Variants in APLNR observed in about 807,000 individuals in gnomAD.
APLNR encodes the protein apelin receptor.
In APLNR, 13 loss-of-function variants were observed where a neutral mutation model predicts 23.4. The observed-to-expected ratio is 0.56, with a 90% CI of 0.36 to 0.88. The LOEUF is 0.88. Ranked by LOEUF, APLNR falls within the 40% of genes least tolerant of loss-of-function variation. The probability of loss-of-function intolerance (pLI) is 0.01; values close to 1 mark genes in which losing one functional copy is unlikely to be tolerated. For missense variants in APLNR, 480 were observed against 517.1 expected, an observed-to-expected ratio of 0.93 and a Z score of 0.70; for synonymous variants, 234 against 211.9, an observed-to-expected ratio of 1.10 and a Z score of -0.91.
chr11:57,236,790 G>A lies in APLNR; in HGVS notation c.215C>T (p.Ala72Val), dbSNP rs376527330. The A allele has an allele frequency of 8.1e-6, 13 of 1,614,202 alleles. No individual in the cohort carries two copies. Among genetic ancestry groups the A allele is most frequent in the South Asian group, 2.2e-5 (2 of 91,082 alleles). ...CACCACGAAGGTCAGGTCAGCCACC[G>A]CCAGGCTAGCAATGAAGATATCAGC... ...RSADIFIASL[A>V]VADLTFVVTL... Residue 72 changes from alanine (A) to valine (V), a missense_variant, in exon 1 of 1, where the codon GCG (alanine) becomes GTG (valine). Transcript: ENST00000606794.
In APLNR at chr11:57,235,967, G is replaced by GTA; in HGVS notation, c.1036_1037dup (p.Ser347ThrfsTer95). 1.2e-6 allele frequency: 2 copies of GTA among 1,614,290 alleles called. No individual in the cohort carries two copies. The highest frequency in any genetic ancestry group is 1.7e-6 in the Non-Finnish European group (2 of 1,180,054). On this transcript the variant is annotated frameshift_variant, in exon 1 of 1. Transcript: ENST00000606794. LOFTEE classifies it high-confidence loss of function. ...CGGGCCCCTGGCTGTGCCCCGAAGA[G>GTA]TAGCTGGCTGACTTCTCCCCACTGC...
At position 57,235,982 on chromosome 11, in the gene APLNR, CT is replaced by C; in HGVS notation, c.1022del (p.Glu341GlyfsTer100). The stretch of plus-strand genomic sequence containing the variant: ...GCCCCGAAGAGTAGCTGGCTGACTT[CT>C]CCCCACTGCTGCTGTGGGAGGTGCC... The part of the protein sequence containing the change: ...CAGTSHSSSG[E>X]KSASYSSGHS... On this transcript the variant is annotated frameshift_variant, in exon 1 of 1. Transcript: ENST00000606794. LOFTEE classifies it high-confidence loss of function. 1 of 1,614,274 alleles carries C rather than the reference CT, an allele frequency of 6.2e-7. No individual in the cohort carries two copies. Among genetic ancestry groups the C allele is most frequent in the Non-Finnish European group, 8.5e-7 (1 of 1,180,044 alleles).
At position 57,235,652 on chromosome 11, in the gene APLNR, G is replaced by A. The variant is rs1289055305; in HGVS notation, c.*210C>T. 3.6e-6 allele frequency: 2 copies of A among 556,858 alleles called. No homozygotes were observed. The highest frequency in any genetic ancestry group is 3.0e-5 in the South Asian group (1 of 33,478). 34.5% of individuals were successfully genotyped at this position (556,858 alleles called of 1,614,324 possible). A position where few individuals can be genotyped will look rare whatever the true frequency, so the allele number is the denominator to read the frequency against. On this transcript the variant is annotated 3_prime_UTR_variant, in exon 1 of 1. Coordinates refer to ENST00000606794, the MANE Select transcript of APLNR (RefSeq NM_005161.6). ...TGAGTGAGATTAAATGGCTTGTGCAGGGTCAGGTCTGTAGAGCCCAGTCTC... is the reference window on the plus strand; with the variant it reads ...TGAGTGAGATTAAATGGCTTGTGCAAGGTCAGGTCTGTAGAGCCCAGTCTC...
At position 57,236,181 on chromosome 11, in the gene APLNR, C is replaced by T. The variant is rs757679361; in HGVS notation, c.824G>A (p.Ser275Asn). ...AAAGTCACAGGGCCAGTGCAGCAGGCTGCCCAGCATGTACAGCGTCTTCAC... is the reference window on the plus strand; with the variant it reads ...AAAGTCACAGGGCCAGTGCAGCAGGTTGCCCAGCATGTACAGCGTCTTCAC... ...HLVKTLYMLGSLLHWPCDFDL... is the reference protein window; with the variant it reads ...HLVKTLYMLGNLLHWPCDFDL... The change falls in exon 1 of 1, where the codon AGC becomes AAC. Residue 275 changes from serine to asparagine, a missense_variant. Transcript: ENST00000606794. 3 of 1,614,134 alleles carry T rather than the reference C, an allele frequency of 1.9e-6. No homozygotes were observed. In the South Asian group the frequency reaches 3.3e-5, roughly 18 times the overall value.
At position 57,233,830 on chromosome 11, in the gene APLNR, G is replaced by A. The variant is rs1854968534; in HGVS notation, c.*2032C>T. 1 of 152,168 alleles carries A rather than the reference G, an allele frequency of 6.6e-6. No individual in the cohort carries two copies. 9.4% of individuals were successfully genotyped at this position (152,168 alleles called of 1,614,324 possible). A position where few individuals can be genotyped will look rare whatever the true frequency, so the allele number is the denominator to read the frequency against. On this transcript the variant is annotated 3_prime_UTR_variant, in exon 1 of 1. Transcript: ENST00000606794. ...TCTTCCAGTGTTCACTGGATGCTTT[G>A]AGGACAGCTCTGGGCAGAGGAGGTG...
rs1565194346 is a variant in APLNR, at chr11:57,236,378, G to A, written c.627C>T (p.Gly209=). The stretch of plus-strand genomic sequence containing the variant: ...GCATGATGGTGAAGGGCACCACAAA[G>A]CCCACGGTGGTGGACGAGACCCCAA... ...VGLGVSSTTV[G]FVVPFTIMLT... Residue 209 remains glycine (G), a synonymous_variant, in exon 1 of 1, where the codon GGC becomes GGT. Coordinates refer to ENST00000606794, the MANE Select transcript of APLNR (RefSeq NM_005161.6). 2 of 1,613,988 alleles carry A rather than the reference G, an allele frequency of 1.2e-6. No homozygotes were observed. The highest frequency in any genetic ancestry group is 1.7e-6 in the Non-Finnish European group (2 of 1,179,988).
At position 57,235,775 on chromosome 11, in the gene APLNR, A is replaced by T; in HGVS notation, c.*87T>A. The stretch of plus-strand genomic sequence containing the variant: ...ACAGTTAAAGGATGTGCATAGGACA[A>T]GGAGTAGCCACACTACCTGATTTTC... On this transcript the variant is annotated 3_prime_UTR_variant, in exon 1 of 1. Coordinates refer to ENST00000606794, the MANE Select transcript of APLNR (RefSeq NM_005161.6). 1.4e-6 allele frequency: 2 copies of T among 1,434,518 alleles called. No individual in the cohort carries two copies. The highest frequency in any genetic ancestry group is 1.9e-6 in the Non-Finnish European group (2 of 1,058,384). The allele number at this position is 1,434,518 out of a possible 1,614,324, so 88.9% of individuals were successfully genotyped here. A position where few individuals can be genotyped will look rare whatever the true frequency, so the allele number is the denominator to read the frequency against.
chr11:57,236,187 AG>A lies in APLNR; in HGVS notation c.817del (p.Leu273TrpfsTer16). The A allele has an allele frequency of 6.2e-7, 1 of 1,614,162 alleles. No homozygotes were observed. The highest frequency in any genetic ancestry group is 8.5e-7 in the Non-Finnish European group (1 of 1,180,040). ...PYHLVKTLYM[L>X]GSLLHWPCDF... ...ACAGGGCCAGTGCAGCAGGCTGCCC[AG>A]CATGTACAGCGTCTTCACCAGGTGG... On this transcript the variant is annotated frameshift_variant, in exon 1 of 1. Coordinates refer to ENST00000606794, the MANE Select transcript of APLNR (RefSeq NM_005161.6). LOFTEE classifies it high-confidence loss of function.
rs910738869 is a variant in APLNR at position 57,233,754 on chromosome 11, C to G, written c.*2108G>C. ...ATGAGTTCCAGGCAGGAAGTCTCTGCAGGTCACCCACGGCGGCCTCAGAGG... is the reference window on the plus strand; with the variant it reads ...ATGAGTTCCAGGCAGGAAGTCTCTGGAGGTCACCCACGGCGGCCTCAGAGG... On this transcript the variant is annotated 3_prime_UTR_variant, in exon 1 of 1. Transcript: ENST00000606794. 1 of 152,308 alleles carries G rather than the reference C, an allele frequency of 6.6e-6. No individual in the cohort carries two copies. Among genetic ancestry groups the G allele is most frequent in the Admixed American group, 6.5e-5 (1 of 15,288 alleles). The allele number at this position is 152,308 out of a possible 1,614,324, so 9.4% of individuals were successfully genotyped here.
At position 57,236,863 on chromosome 11, in the gene APLNR, G is replaced by A. The variant is rs761161440; in HGVS notation, c.142C>T (p.Leu48=). The part of the protein sequence containing the change: ...VFLLGTTGNG[L]VLWTVFRSSR... ...CTCCGAAACACGGTCCAGAGCACCA[G>A]ACCGTTGCCCGTGGTGCCCAGGAGG... Residue 48 remains leucine (L), a synonymous_variant, in exon 1 of 1, where the codon CTG becomes TTG. Coordinates refer to ENST00000606794, the MANE Select transcript of APLNR (RefSeq NM_005161.6). The A allele has an allele frequency of 1.4e-5, 23 of 1,614,100 alleles. No homozygotes were observed. Among genetic ancestry groups the A allele is most frequent in the Non-Finnish European group, 1.9e-5 (22 of 1,180,058 alleles).
chr11:57,236,861 C>T lies in APLNR; in HGVS notation c.144G>A (p.Leu48=). The stretch of plus-strand genomic sequence containing the variant: ...TGCTCCGAAACACGGTCCAGAGCAC[C>T]AGACCGTTGCCCGTGGTGCCCAGGA... ...VFLLGTTGNG[L]VLWTVFRSSR... Residue 48 remains leucine (L), a synonymous_variant, in exon 1 of 1, where the codon CTG becomes CTA. Transcript: ENST00000606794. 1 of 1,614,210 alleles carries T rather than the reference C, an allele frequency of 6.2e-7. No homozygotes were observed. Among genetic ancestry groups the T allele is most frequent in the Non-Finnish European group, 8.5e-7 (1 of 1,180,048 alleles).
At position 57,233,965 on chromosome 11, in the gene APLNR, G is replaced by C. The variant is rs1029254428; in HGVS notation, c.*1897C>G. On this transcript the variant is annotated 3_prime_UTR_variant, in exon 1 of 1. Coordinates refer to ENST00000606794, the MANE Select transcript of APLNR (RefSeq NM_005161.6). ...CTGGCGTCATTCCAGGGAGGGTCAA[G>C]ATGTCCATTCACATCAAGCTGGGCT... 1.3e-5 allele frequency: 2 copies of C among 152,240 alleles called. No individual in the cohort carries two copies. The highest frequency in any genetic ancestry group is 4.8e-5 in the African/African-American group (2 of 41,430). The allele number at this position is 152,240 out of a possible 1,614,324, so 9.4% of individuals were successfully genotyped here.
At position 57,236,252 on chromosome 11, in the gene APLNR, C is replaced by T; in HGVS notation, c.753G>A (p.Val251=). ...ACAGGGCAAAGGTCACCACCAGCAC[C>T]ACGATGATGCTGAGCAGCCGGCGCC... The part of the protein sequence containing the change: ...RKRRRLLSII[V]VLVVTFALCW... The change falls in exon 1 of 1, where the codon GTG becomes GTA. Residue 251 remains valine (V), a synonymous_variant. Transcript: ENST00000606794. 4.3e-6 allele frequency: 7 copies of T among 1,614,020 alleles called. No individual in the cohort carries two copies. The highest frequency in any genetic ancestry group is 5.9e-6 in the Non-Finnish European group (7 of 1,179,944).
rs746885 is a variant in APLNR at position 57,234,558 on chromosome 11, G to A, written c.*1304C>T. 6,570 of 152,220 alleles carry A rather than the reference G, an allele frequency of 0.043. 184 individuals carry two copies. Among genetic ancestry groups the A allele is most frequent in the Admixed American group, 0.075 (1,146 of 15,280 alleles). 9.4% of individuals were successfully genotyped at this position (152,220 alleles called of 1,614,324 possible). A position where few individuals can be genotyped will look rare whatever the true frequency, so the allele number is the denominator to read the frequency against. On this transcript the variant is annotated 3_prime_UTR_variant, in exon 1 of 1. Transcript: ENST00000606794. ...GTTGGAGCCCCCAAATCCAGTAGGG[G>A]GTGGACTCATTTTTATTCTACATTT...
chr11:57,237,080 C>A lies in APLNR; in HGVS notation c.-76G>T, dbSNP rs181683621. The A allele has an allele frequency of 4.7e-4, 679 of 1,453,868 alleles. 1 individual carries two copies. Among genetic ancestry groups the A allele is most frequent in the Non-Finnish European group, 5.7e-4 (620 of 1,080,342 alleles). The allele number at this position is 1,453,868 out of a possible 1,614,324, so 90.1% of individuals were successfully genotyped here. A position where few individuals can be genotyped will look rare whatever the true frequency, so the allele number is the denominator to read the frequency against. On this transcript the variant is annotated 5_prime_UTR_variant, in exon 1 of 1. Coordinates refer to ENST00000606794, the MANE Select transcript of APLNR (RefSeq NM_005161.6). The stretch of plus-strand genomic sequence containing the variant: ...GTGGCTCTGTCACCCACTCTGCAAG[C>A]AGCCTGAATTTCTGGCTTGAGCCTC...
chr11:57,236,475 G>A lies in APLNR; in HGVS notation c.530C>T (p.Thr177Ile), dbSNP rs775613142. 19 of 1,614,094 alleles carry A rather than the reference G, an allele frequency of 1.2e-5. No individual in the cohort carries two copies. Among genetic ancestry groups the A allele is most frequent in the Non-Finnish European group, 1.5e-5 (18 of 1,180,028 alleles). The change falls in exon 1 of 1, where the codon ACT becomes ATT. Residue 177 changes from threonine (T) to isoleucine (I), a missense_variant. By Grantham distance (89) the Thr-to-Ile change is moderately conservative. Coordinates refer to ENST00000606794, the MANE Select transcript of APLNR (RefSeq NM_005161.6). ...GTAGTCCATGTAGCACTGCACCTTA[G>A]TGGTGTTCTCCAAGTCCCCGGTGGT... ...LRTTGDLENTTKVQCYMDYSM... is the reference protein window; with the variant it reads ...LRTTGDLENTIKVQCYMDYSM...
chr11:57,235,869 A>C lies in APLNR; in HGVS notation c.1136T>G (p.Val379Gly), dbSNP rs766139270. 8.1e-6 allele frequency: 13 copies of C among 1,603,106 alleles called. 1 individual carries two copies. In the South Asian group the frequency reaches 1.5e-4, roughly 18 times the overall value. Residue 379 changes from valine (V) to glycine (G), a missense_variant, in exon 1 of 1, where the codon GTT (valine) becomes GGT (glycine). Val to Gly is a moderately radical substitution (Grantham distance 109, BLOSUM62 -3). Transcript: ENST00000606794. ...TTCTCTCTGCTCCCAGCCCTAGTCAACCACAAGGGTCTCCTGGCTGTAGGG... is the reference window on the plus strand; with the variant it reads ...TTCTCTCTGCTCCCAGCCCTAGTCACCCACAAGGGTCTCCTGGCTGTAGGG... ...SIPYSQETLV[V>G]D
At position 57,237,006 on chromosome 11, in the gene APLNR, C is replaced by T; in HGVS notation, c.-2G>A. Reference sequence around the variant, plus strand: ...GTCAAAATCACCACCTTCCTCCATGCTGGGGAGTGGAGAGAAGACGGGCAG... The same window carrying T: ...GTCAAAATCACCACCTTCCTCCATGTTGGGGAGTGGAGAGAAGACGGGCAG... On this transcript the variant is annotated 5_prime_UTR_variant, in exon 1 of 1. Coordinates refer to ENST00000606794, the MANE Select transcript of APLNR (RefSeq NM_005161.6). 3.2e-6 allele frequency: 5 copies of T among 1,575,994 alleles called. No homozygotes were observed. The highest frequency in any genetic ancestry group is 4.3e-6 in the Non-Finnish European group (5 of 1,160,152).
In APLNR at chr11:57,236,792, C is replaced by T; in HGVS notation, c.213G>A (p.Leu71=). 1 of 1,614,216 alleles carries T rather than the reference C, an allele frequency of 6.2e-7. No homozygotes were observed. The highest frequency in any genetic ancestry group is 8.5e-7 in the Non-Finnish European group (1 of 1,180,036). Residue 71 remains leucine, a synonymous_variant, in exon 1 of 1, where the codon CTG becomes CTA. Transcript: ENST00000606794. ...RRSADIFIAS[L]AVADLTFVVT... ...CCACGAAGGTCAGGTCAGCCACCGC[C>T]AGGCTAGCAATGAAGATATCAGCTG... is the stretch of plus-strand genomic sequence containing the variant.
Sources: gnomAD v4.1 joint callset for allele counts on GRCh38, gnomAD v4.1.1 for gene constraint, MANE v1.5 for transcripts, NCBI Gene and HGNC (gene_info 2026-07-23, HGNC 2026-07-21) for gene names.